The following CELF2 variants were observed in gnomAD, a reference collection of about 807,000 sequenced individuals.
CELF2 encodes the protein CUGBP Elav-like family member 2.
CELF2 carries 8 observed loss-of-function variants against 62.6 expected under a neutral mutation model. The observed-to-expected ratio is 0.13, with a 90% CI of 0.07 to 0.23. The LOEUF (loss-of-function observed/expected upper bound fraction) is 0.23, where lower values mean the gene tolerates loss of function less well. Ranked by LOEUF, CELF2 falls within the 10% of genes least tolerant of loss-of-function variation. The pLI is 1.00. For missense variants in CELF2, 333 were observed against 671.0 expected (o/e 0.50, Z 5.56); for synonymous variants, 258 against 250.0 (o/e 1.03, Z -0.30).
the CELF2 span, among the ~76,000 whole-genome samples, chr10:10,497,917 C>T: frequency 5.0e-4 from 76 of 152,178 alleles, no homozygotes; most frequent in African/African-American, 1.8e-3. Flanking sequence ...AATAAATAGA[C>T]GAGGTGCAAA....
Position 10,885,178 on chromosome 10 carries a change from G to C in CELF2, c.54-34786G>C, listed in dbSNP as rs562640562. Among the ~76,000 whole-genome samples the C allele has an allele frequency of 3.9e-5, 6 of 152,084 alleles. No homozygotes were observed. In the East Asian group the frequency reaches 1.2e-3, roughly 30 times the overall value. ...GAATCGCTTGAACACGGTAGGTGGA[G>C]GTTGCAGTGAGCCAAGATTGTGCCA... is the stretch of plus-strand genomic sequence containing the variant. On this transcript the variant is annotated intron_variant, in intron 1 of 13. Coordinates refer to the CELF2 transcript ENST00000636488.
chr10:10,471,718 A>G, the CELF2 span, among the ~76,000 whole-genome samples: 1 of 151,800 alleles, frequency 6.6e-6, no homozygotes, highest in Non-Finnish European at 1.5e-5. Flanking sequence ...AGAGAAAAAA[A>G]TATGTTGATA....
upstream of CELF2, among the ~76,000 whole-genome samples, chr10:10,797,371 G>A (rs1057029438): frequency 1.3e-5 from 2 of 150,846 alleles, no homozygotes; most frequent in Admixed American, 6.6e-5. Context: ...TTAACATTGC[G>A]TAAACTCTCT....
rs1047431522 is a variant in CELF2, at chr10:11,267,461, A to G, written c.618+784A>G. 2.0e-5 allele frequency among the ~76,000 whole-genome samples: 3 copies of G among 152,058 alleles called. No individual in the cohort carries two copies. The highest frequency in any genetic ancestry group is 7.2e-5 in the African/African-American group (3 of 41,390). On this transcript the variant is annotated intron_variant, in intron 6 of 12. Coordinates refer to ENST00000633077, the MANE Select transcript of CELF2 (RefSeq NM_001326342.2). This position sits in a 1 kb window ranked among gnomAD's most constrained non-coding sequence, Gnocchi z 4.4. ...AGTGATATGCCGTTACTTCTTCTGTATTGTCTGATAGAATCATTTGGGAGT... is the reference window on the plus strand; with the variant it reads ...AGTGATATGCCGTTACTTCTTCTGTGTTGTCTGATAGAATCATTTGGGAGT...
chr10:10,545,399 T>C, the CELF2 span, among the ~76,000 whole-genome samples: 1 of 152,152 alleles, frequency 6.6e-6, no homozygotes, highest in African/African-American at 2.4e-5. Context: ...ACTGGATTTC[T>C]GCCTACAATC....
intron 2 of CELF2, among the ~76,000 whole-genome samples, chr10:10,989,147 T>C (rs2053153173): frequency 6.6e-6 from 1 of 152,182 alleles, no homozygotes; most frequent in Admixed American, 6.6e-5. Context: ...TACTTCTAGA[T>C]GGACAGAGCT....
chr10:11,128,075 A>G (rs2059019863), intron 1 of CELF2, among the ~76,000 whole-genome samples: 3 of 152,178 alleles, frequency 2.0e-5, no homozygotes, highest in Admixed American at 2.0e-4. Context: ...TAAGGATGGG[A>G]TCCAGTTTCA....
chr10:10,746,279 C>T, the CELF2 span, among the ~76,000 whole-genome samples: 1 of 152,178 alleles, frequency 6.6e-6, no homozygotes, highest in South Asian at 2.1e-4. Context: ...ACAACATAGA[C>T]AATATTGACA....
At chr10:10,837,112 T>C (rs7083756) in intron 1 of CELF2, among the ~76,000 whole-genome samples, 114,557 of 152,178 alleles carry the variant, frequency 0.75, 43,816 homozygotes, top group East Asian at 0.97. Flanking sequence ...TATGGTTTGG[T>C]TGTGTCCCCA....
At chr10:10,861,894 A>G (rs1282295012) in intron 1 of CELF2, among the ~76,000 whole-genome samples, 1 of 152,184 alleles carries the variant, frequency 6.6e-6, no homozygotes, top group East Asian at 1.9e-4. Flanking sequence ...ATTAGAAATA[A>G]TCTTTTAAAA....
intron 9 of CELF2, among the ~76,000 whole-genome samples, chr10:11,289,296 C>T (rs1486275109): frequency 6.6e-6 from 1 of 152,138 alleles, no homozygotes; most frequent in African/African-American, 2.4e-5. Flanking sequence ...ATGGCCTGGA[C>T]AGTTTCCAAG....
rs572137910 is a variant in CELF2, at chr10:11,291,766, G to T, written c.976+3214G>T. ...GACTGTGTCTCTGTTTATGCAAGAG[G>T]CAAATTGTCTAGAAGGGGTGTAGCT... is the stretch of plus-strand genomic sequence containing the variant. On this transcript the variant is annotated intron_variant, in intron 9 of 12. Transcript: ENST00000633077. Among the ~76,000 whole-genome samples, 3 of 152,304 alleles carry T rather than the reference G, an allele frequency of 2.0e-5. No individual in the cohort carries two copies. In the South Asian group the frequency reaches 6.2e-4, roughly 32 times the overall value.
the CELF2 span, among the ~76,000 whole-genome samples, chr10:10,782,666 C>T: frequency 4.3e-3 from 655 of 152,324 alleles, 5 homozygotes; most frequent in African/African-American, 0.015. Flanking sequence ...AGTGGTAGCA[C>T]TGTGTTTTCC....
Position 11,227,837 on chromosome 10 carries a change from C to T in CELF2, c.354+10330C>T, listed in dbSNP as rs762104314. On this transcript the variant is annotated intron_variant, in intron 3 of 12. Coordinates refer to ENST00000633077, the MANE Select transcript of CELF2 (RefSeq NM_001326342.2). This position sits in a 1 kb window ranked among gnomAD's most constrained non-coding sequence, Gnocchi z 4.8. ...AGAGCAAAGGATAGGCTCCTGCAAA[C>T]TCATCTCCTCTCCTGGAGGCTTAAC... Among the ~76,000 whole-genome samples, 1 of 152,134 alleles carries T rather than the reference C, an allele frequency of 6.6e-6. No homozygotes were observed. Among genetic ancestry groups the T allele is most frequent in the Non-Finnish European group, 1.5e-5 (1 of 68,014 alleles).
the CELF2 span, among the ~76,000 whole-genome samples, chr10:10,481,425 C>T: frequency 1.3e-5 from 2 of 152,152 alleles, no homozygotes; most frequent in African/African-American, 2.4e-5. Flanking sequence ...TGAGCCCTCA[C>T]TTTTATCCTC....
At chr10:10,470,022 T>C in the CELF2 span, among the ~76,000 whole-genome samples, 1 of 151,870 alleles carries the variant, frequency 6.6e-6, no homozygotes, top group Non-Finnish European at 1.5e-5. Context: ...AAAATGCTCA[T>C]TGCAGAATTT....
At chr10:10,831,430 C>T (rs1361410899) in intron 1 of CELF2, among the ~76,000 whole-genome samples, 3 of 152,210 alleles carry the variant, frequency 2.0e-5, no homozygotes. Flanking sequence ...TGTGAAGGCC[C>T]TCAGCCTAAA....
At chr10:10,466,677 A>T in the CELF2 span, among the ~76,000 whole-genome samples, 1,609 of 152,234 alleles carry the variant, frequency 0.011, 28 homozygotes, top group African/African-American at 0.037. Context: ...GCAATGTTGG[A>T]GAATTCCAGT....
At chr10:10,950,537 C>G (rs1592309822) in intron 2 of CELF2, among the ~76,000 whole-genome samples, 1 of 152,150 alleles carries the variant, frequency 6.6e-6, no homozygotes, top group South Asian at 2.1e-4. Context: ...TTAATAGCGC[C>G]TTATCATGGG....
Sources: gnomAD v4.1 joint callset for allele counts (sites outside exome capture counted in the v4.1 genomes callset) on GRCh38, gnomAD v4.1.1 for gene constraint, Gnocchi (gnomAD v3.1) non-coding constraint, MANE v1.5 for transcripts, NCBI Gene and HGNC (gene_info 2026-07-23, HGNC 2026-07-21) for gene names.